Variants in KBTBD2 observed in about 807,000 individuals in gnomAD.
KBTBD2 encodes the protein kelch repeat and BTB domain containing 2.
Under a neutral mutation model 57.1 loss-of-function variants are expected in KBTBD2, and 17 were observed. The ratio of observed to expected loss-of-function variants is 0.30; its 90% CI spans 0.20 to 0.45. KBTBD2 has a LOEUF of 0.45. KBTBD2 is among the 20% of genes least tolerant of loss of function. The pLI, the probability that KBTBD2 is intolerant of heterozygous loss-of-function variation, is 1.00. For missense variants in KBTBD2, 515 were observed against 750.6 expected (o/e 0.69, Z 3.67); for synonymous variants, 267 against 262.7 (o/e 1.02, Z -0.16).
chr7:32,869,650 G>C lies in KBTBD2; in HGVS notation c.1567C>G (p.Pro523Ala), dbSNP rs1428129751. ...GAGATCACAACAGCTCTAACACAGG[G>C]GTCAGAGTACCTCTTAGCAGGGATG... ...ANIPAKRYSD[P>A]CVRAVVISNS... The change falls in exon 4 of 4, where the codon CCC (proline) becomes GCC (alanine). Residue 523 changes from proline to alanine, a missense_variant. Transcript: ENST00000304056. 3.1e-6 allele frequency: 5 copies of C among 1,614,020 alleles called. No individual in the cohort carries two copies. The highest frequency in any genetic ancestry group is 3.4e-6 in the Non-Finnish European group (4 of 1,179,990).
Position 32,881,935 on chromosome 7 carries a change from G to A in KBTBD2, c.-338-1993C>T, listed in dbSNP as rs906684385. 1.2e-4 allele frequency among the ~76,000 whole-genome samples: 18 copies of A among 152,158 alleles called. 1 individual carries two copies. Among genetic ancestry groups the A allele is most frequent in the African/African-American group, 4.1e-4 (17 of 41,448 alleles). On this transcript the variant is annotated intron_variant, in intron 1 of 3. Transcript: ENST00000304056. ...TTGTGACACATGTACCCTACATTATGAAATCCTCTCAAGAAGTCTCAGGTA... is the reference window on the plus strand; with the variant it reads ...TTGTGACACATGTACCCTACATTATAAAATCCTCTCAAGAAGTCTCAGGTA...
At chr7:32,882,637 G>C (rs972103286) in intron 1 of KBTBD2, among the ~76,000 whole-genome samples, 8 of 152,126 alleles carry the variant, frequency 5.3e-5, no homozygotes, top group Non-Finnish European at 1.0e-4. Flanking sequence ...AAAATAGGCA[G>C]AAAAAGTAAG....
At chr7:32,875,242 G>A (rs898243340) in intron 2 of KBTBD2, 85 bp from the exon 3 acceptor site, 18 of 1,219,602 alleles carry the variant, frequency 1.5e-5, no homozygotes, top group East Asian at 2.3e-5. Context: ...GACAATAAGA[G>A]GTGTTTATTT....
intron 1 of KBTBD2, among the ~76,000 whole-genome samples, chr7:32,888,712 A>AT (rs1784646127): frequency 6.6e-6 from 1 of 151,058 alleles, no homozygotes; most frequent in Non-Finnish European, 1.5e-5. Context: ...AAAAAAAAAA[A>AT]ATTTCAGCAT....
chr7:32,889,286 G>A (rs1408333375), intron 1 of KBTBD2, among the ~76,000 whole-genome samples: 3 of 145,870 alleles, frequency 2.1e-5, no homozygotes, highest in East Asian at 2.0e-4. Context: ...GCGAGACTCC[G>A]TCTCTTAAAA....
rs1784281873 is a variant in KBTBD2 at position 32,875,171 on chromosome 7, GAAGAAAAC to G, written c.171-22_171-15del. 6.2e-7 allele frequency: 1 copy of G among 1,610,342 alleles called. No individual in the cohort carries two copies. The highest frequency in any genetic ancestry group is 1.1e-5 in the South Asian group (1 of 90,428). On this transcript the variant is annotated splice_polypyrimidine_tract_variant and intron_variant, in intron 2 of 3. Coordinates refer to ENST00000304056, the MANE Select transcript of KBTBD2 (RefSeq NM_015483.3). ...ATAAACATGGCCCTACAGGGGAGAT[GAAGAAAAC>G]AAAGTTGTAAGGGTTTTGTGTAAAA...
At chr7:32,885,027 T>TAC (rs1476582091) in intron 1 of KBTBD2, among the ~76,000 whole-genome samples, 1 of 133,562 alleles carries the variant, frequency 7.5e-6, no homozygotes, top group East Asian at 2.1e-4. Context: ...TACACACACA[T>TAC]ACACACACAC....
chr7:32,882,120 T>C (rs1000604902), intron 1 of KBTBD2, among the ~76,000 whole-genome samples: 3 of 152,130 alleles, frequency 2.0e-5, no homozygotes, highest in African/African-American at 7.2e-5. Context: ...AATTTCAAAA[T>C]TGCAAGTATT....
In KBTBD2 at chr7:32,884,894, AG is replaced by A. The variant is rs574337434; in HGVS notation, c.-338-4953del. 1.0e-3 allele frequency among the ~76,000 whole-genome samples: 157 copies of A among 151,414 alleles called. 1 individual carries two copies. The highest frequency in any genetic ancestry group is 6.8e-3 in the Middle Eastern group (2 of 292). ...TCAATAAAACTTTGTTTACAAGAACAGGTTACAGGCCACATTTACCAAACGC... is the reference window on the plus strand; with the variant it reads ...TCAATAAAACTTTGTTTACAAGAACAGTTACAGGCCACATTTACCAAACGC... On this transcript the variant is annotated intron_variant, in intron 1 of 3. Transcript: ENST00000304056.
Position 32,869,376 on chromosome 7 carries a change from T to C in KBTBD2, c.1841A>G (p.Asp614Gly). The change falls in exon 4 of 4, where the codon GAT (aspartate) becomes GGT (glycine). Residue 614 changes from aspartate to glycine, a missense_variant. Coordinates refer to ENST00000304056, the MANE Select transcript of KBTBD2 (RefSeq NM_015483.3). ...STDGTEEFEL[D>G]GEMVALPPV is the part of the protein sequence containing the mutation. ...AGGTGGTAGTGCAACCATTTCTCCA[T>C]CCAGTTCAAACTCTTCTGTCCCATC... is the stretch of plus-strand genomic sequence containing the variant. The C allele has an allele frequency of 6.2e-7, 1 of 1,613,166 alleles. No homozygotes were observed. Among genetic ancestry groups the C allele is most frequent in the Non-Finnish European group, 8.5e-7 (1 of 1,179,424 alleles).
intron 1 of KBTBD2, among the ~76,000 whole-genome samples, chr7:32,881,771 C>T (rs895871657): frequency 6.6e-6 from 1 of 152,160 alleles, no homozygotes; most frequent in African/African-American, 2.4e-5. Flanking sequence ...TGCAGCAAGG[C>T]ATAGTGTTGT....
At position 32,868,429 on chromosome 7, in the gene KBTBD2, T is replaced by TA. The variant is rs888176659; in HGVS notation, c.*915dup. The TA allele has an allele frequency of 1.4e-4, 21 of 152,222 alleles. No individual in the cohort carries two copies. The highest frequency in any genetic ancestry group is 3.9e-4 in the African/African-American group (16 of 41,340). 9.4% of individuals were successfully genotyped at this position (152,222 alleles called of 1,614,324 possible). On this transcript the variant is annotated 3_prime_UTR_variant, in exon 4 of 4. Transcript: ENST00000304056. ...TAACCCCCACACGCACACAACAGGT[T>TA]AAAAAAAACACACCCTGACAGCTAA... is the stretch of plus-strand genomic sequence containing the variant.
chr7:32,886,065 T>C (rs1042654841), intron 1 of KBTBD2, among the ~76,000 whole-genome samples: 8 of 151,988 alleles, frequency 5.3e-5, no homozygotes, highest in East Asian at 1.9e-4. Context: ...CGCACCACCA[T>C]GTCCGGCTAA....
At position 32,869,341 on chromosome 7, in the gene KBTBD2, C is replaced by G; in HGVS notation, c.*4G>C. On this transcript the variant is annotated 3_prime_UTR_variant, in exon 4 of 4. Coordinates refer to ENST00000304056, the MANE Select transcript of KBTBD2 (RefSeq NM_015483.3). ...CTCAGGCGTGCACTCCCTGAACTTC[C>G]CCACTATACAGGTGGTAGTGCAACC... is the stretch of plus-strand genomic sequence containing the variant. 1 of 1,586,286 alleles carries G rather than the reference C, an allele frequency of 6.3e-7. No individual in the cohort carries two copies. The highest frequency in any genetic ancestry group is 8.6e-7 in the Non-Finnish European group (1 of 1,164,278).
chr7:32,879,224 CTTAG>C (rs1583782444), intron 2 of KBTBD2, among the ~76,000 whole-genome samples: 4 of 152,044 alleles, frequency 2.6e-5, no homozygotes, highest in Admixed American at 1.3e-4. Flanking sequence ...AAAACTTTAC[CTTAG>C]TTAATTGCAA....
chr7:32,871,010 G>T, intron 3 of KBTBD2, 130 bp from the exon 4 acceptor site: 1 of 596,424 alleles, frequency 1.7e-6, no homozygotes, highest in East Asian at 2.9e-5. Flanking sequence ...ACACATCTGG[G>T]CTGAGATAAG....
At chr7:32,886,642 T>A (rs1364691589) in intron 1 of KBTBD2, among the ~76,000 whole-genome samples, 1 of 152,202 alleles carries the variant, frequency 6.6e-6, no homozygotes, top group East Asian at 1.9e-4. Context: ...GACAACTGTG[T>A]TTCTATGCAA....
At chr7:32,880,395 A>G (rs1784417392) in intron 1 of KBTBD2, among the ~76,000 whole-genome samples, 1 of 152,182 alleles carries the variant, frequency 6.6e-6, no homozygotes. Flanking sequence ...CACGTTCACA[A>G]AGTCTTCATA....
intron 1 of KBTBD2, among the ~76,000 whole-genome samples, chr7:32,880,214 A>T (rs536945674): frequency 6.6e-6 from 1 of 152,298 alleles, no homozygotes; most frequent in South Asian, 2.1e-4. Context: ...ATAAGTACAC[A>T]TTTTTAAAGC....
Sources: allele counts gnomAD v4.1 joint callset (sites outside exome capture counted in the v4.1 genomes callset), GRCh38; gene constraint gnomAD v4.1.1; transcripts MANE v1.5; gene names NCBI Gene and HGNC (gene_info 2026-07-23, HGNC 2026-07-21).